The following KDM6A variants were observed in gnomAD, a reference collection of about 807,000 sequenced individuals.
KDM6A encodes lysine demethylase 6A.
KDM6A carries 11 observed loss-of-function variants against 117.6 expected under a neutral mutation model. The observed-to-expected ratio is 0.09, with a 90% CI of 0.06 to 0.15. KDM6A has a LOEUF of 0.15. Ranked by LOEUF, KDM6A falls within the 10% of genes least tolerant of loss-of-function variation. The probability of loss-of-function intolerance (pLI) is 1.00; values close to 1 mark genes in which losing one functional copy is unlikely to be tolerated. For missense variants in KDM6A, 799 were observed against 1,077.3 expected (o/e 0.74, Z 3.62); for synonymous variants, 384 against 396.1 (o/e 0.97, Z 0.36).
intron 2 of KDM6A, among the ~76,000 whole-genome samples, chrX:44,876,398 C>T (rs1175462936): frequency 9.0e-6 from 1 of 111,261 alleles, no homozygotes; most frequent in African/African-American, 3.3e-5. Flanking sequence ...TTAGTTTCAT[C>T]CTTCTTTTAA....
intron 4 of KDM6A, among the ~76,000 whole-genome samples, chrX:45,001,947 G>A (rs1051549449): frequency 2.7e-5 from 3 of 110,956 alleles, no homozygotes; most frequent in Non-Finnish European, 5.7e-5. Flanking sequence ...CTGGTTTACC[G>A]GAAATTCTAG....
rs958400660 is a variant in KDM6A at position 44,955,353 on chromosome X, G to A, written c.226-5931G>A. ...AAAAAAAGATATACAGGAGAATAAA[G>A]GAGACAGGAACCAGTTTGTCTTCAC... On this transcript the variant is annotated intron_variant, in intron 2 of 29. Coordinates refer to ENST00000611820, the MANE Select transcript of KDM6A (RefSeq NM_001291415.2). Among the ~76,000 whole-genome samples, 3 of 110,967 alleles carry A rather than the reference G, an allele frequency of 2.7e-5. No homozygotes were observed. The Admixed American group carries it at 2.9e-4, about 11-fold the overall frequency.
intron 27 of KDM6A, among the ~76,000 whole-genome samples, chrX:45,102,067 A>G (rs951222541): frequency 1.8e-5 from 2 of 111,682 alleles, no homozygotes; most frequent in African/African-American, 6.5e-5. Flanking sequence ...AATCCTAAAA[A>G]CACAGTGATT....
intron 1 of KDM6A, 98 bp from the exon 2 acceptor site, chrX:44,873,826 G>A: frequency 1.7e-6 from 2 of 1,143,974 alleles, no homozygotes; most frequent in South Asian, 1.9e-5. Context: ...TCGGTTTGGC[G>A]CTCTTCGCGC....
chrX:45,092,762 G>A (rs1452630263), intron 27 of KDM6A, among the ~76,000 whole-genome samples: 2 of 111,349 alleles, frequency 1.8e-5, no homozygotes, highest in Non-Finnish European at 3.8e-5. Context: ...TTGCTTAACT[G>A]GTCTGAGAGT....
chrX:44,925,074 C>T (rs2036226349), intron 2 of KDM6A, among the ~76,000 whole-genome samples: 1 of 111,705 alleles, frequency 9.0e-6, no homozygotes. Flanking sequence ...TTGATACAGG[C>T]CTACAATGTG....
chrX:44,915,147 C>T (rs1407090930), intron 2 of KDM6A, among the ~76,000 whole-genome samples: 1 of 111,236 alleles, frequency 9.0e-6, no homozygotes, highest in African/African-American at 3.3e-5. Flanking sequence ...ATTCTGTGAG[C>T]GGTGATAATA....
chrX:44,881,940 G>A (rs1432721126), intron 2 of KDM6A, among the ~76,000 whole-genome samples: 1 of 110,439 alleles, frequency 9.1e-6, no homozygotes, highest in Non-Finnish European at 1.9e-5. Flanking sequence ...CCCCCGCGTC[G>A]GCCTCCTGAA....
At chrX:45,075,468 T>G (rs2045072412) in intron 18 of KDM6A, among the ~76,000 whole-genome samples, 1 of 111,986 alleles carries the variant, frequency 8.9e-6, no homozygotes, top group Admixed American at 9.5e-5. Flanking sequence ...ATGTAAAATT[T>G]CAGTTTAATA....
intron 4 of KDM6A, among the ~76,000 whole-genome samples, chrX:45,005,934 C>A (rs1156229577): frequency 2.0e-5 from 2 of 98,190 alleles, no homozygotes; most frequent in Non-Finnish European, 4.1e-5. Flanking sequence ...GCCACCCCAA[C>A]CAAGGAGTAC....
At position 45,010,292 on chromosome X, in the gene KDM6A, G is replaced by A. The variant is rs191420260; in HGVS notation, c.385-669G>A. Among the ~76,000 whole-genome samples the A allele has an allele frequency of 4.6e-5, 5 of 108,869 alleles. No homozygotes were observed. In the East Asian group the frequency reaches 1.1e-3, roughly 25 times the overall value. 94.5% of individuals were successfully genotyped at this position (108,869 alleles called of 115,157 possible). A position where few individuals can be genotyped will look rare whatever the true frequency, so the allele number is the denominator to read the frequency against. On this transcript the variant is annotated intron_variant, in intron 4 of 29. Coordinates refer to ENST00000611820, the MANE Select transcript of KDM6A (RefSeq NM_001291415.2). ...TGAGGCTGCAGTGAGCTGTGATCGCGTTGGGGTGACAGAGCGAGACCTTGT... is the reference window on the plus strand; with the variant it reads ...TGAGGCTGCAGTGAGCTGTGATCGCATTGGGGTGACAGAGCGAGACCTTGT...
chrX:45,098,933 T>C (rs2046221499), intron 27 of KDM6A, among the ~76,000 whole-genome samples: 1 of 111,978 alleles, frequency 8.9e-6, no homozygotes, highest in Non-Finnish European at 1.9e-5. Context: ...CCAACTTGTT[T>C]ATACTTTTTC....
chrX:44,949,775 C>G (rs1381405997), intron 2 of KDM6A, among the ~76,000 whole-genome samples: 3 of 111,787 alleles, frequency 2.7e-5, no homozygotes, highest in African/African-American at 9.8e-5. Context: ...ACATATTTAA[C>G]CAGGGTACAG....
chrX:44,928,260 G>A (rs1602228144), intron 2 of KDM6A, among the ~76,000 whole-genome samples: 1 of 111,851 alleles, frequency 8.9e-6, no homozygotes, highest in East Asian at 2.8e-4. Context: ...CTTAGGAAAT[G>A]CATGCTGGAG....
chrX:45,059,508 C>T, intron 12 of KDM6A, 42 bp downstream of exon 12: 4 of 959,743 alleles, frequency 4.2e-6, no homozygotes, highest in Non-Finnish European at 3.0e-6. Flanking sequence ...CACATATTTC[C>T]CCAGAACACT....
intron 8 of KDM6A, among the ~76,000 whole-genome samples, chrX:45,047,457 T>C (rs1276949346): frequency 4.7e-5 from 5 of 107,383 alleles, no homozygotes; most frequent in African/African-American, 1.7e-4. Context: ...TGACTTGTTT[T>C]CAAATGCATT....
chrX:44,990,639 T>A (rs1163019191), intron 4 of KDM6A, among the ~76,000 whole-genome samples: 1 of 111,941 alleles, frequency 8.9e-6, no homozygotes, highest in African/African-American at 3.2e-5. Context: ...CACAAAGTTC[T>A]CGTGCTTCTT....
chrX:44,983,693 T>C (rs2040029423), intron 4 of KDM6A, among the ~76,000 whole-genome samples: 1 of 109,459 alleles, frequency 9.1e-6, no homozygotes, highest in Non-Finnish European at 1.9e-5. Context: ...GATAGTTTGC[T>C]GAGAATGATG....
intron 2 of KDM6A, among the ~76,000 whole-genome samples, chrX:44,896,109 A>G (rs1050655149): frequency 3.8e-5 from 4 of 105,809 alleles, no homozygotes; most frequent in Admixed American, 1.0e-4. Context: ...AGTCTGGCTC[A>G]GTCACCCAGG....
Sources: allele counts gnomAD v4.1 joint callset (sites outside exome capture counted in the v4.1 genomes callset), GRCh38; gene constraint gnomAD v4.1.1; transcripts MANE v1.5; gene names NCBI Gene and HGNC (gene_info 2026-07-23, HGNC 2026-07-21).